MAP4K5: variants seen among roughly 807,000 people sequenced by gnomAD.
The protein encoded by MAP4K5 is mitogen-activated protein kinase kinase kinase kinase 5, also known as MAPK/ERK kinase kinase kinase 5.
MAP4K5 carries 82 observed loss-of-function variants against 135.6 expected under a neutral mutation model. The observed-to-expected ratio is 0.60, with a 90% confidence interval of 0.51 to 0.73. The LOEUF is 0.73. Ranked by LOEUF, MAP4K5 falls within the 30% of genes least tolerant of loss-of-function variation. The pLI is 0.00. For synonymous variants in MAP4K5, 347 were observed against 335.0 expected (o/e 1.04, Z -0.39); for missense variants, 907 against 1,010.9 (o/e 0.90, Z 1.39).
intron 20 of MAP4K5, 22 bp from the exon 21 acceptor site, chr14:50,442,838 G>C: frequency 7.1e-7 from 1 of 1,400,582 alleles, no homozygotes; most frequent in South Asian, 1.3e-5. Flanking sequence ...AGAAAGAAAT[G>C]TTAACTTATT....
intron 12 of MAP4K5, 114 bp downstream of exon 12, chr14:50,463,938 C>A (rs1258058114): frequency 1.6e-5 from 6 of 382,944 alleles, no homozygotes; most frequent in South Asian, 6.4e-5. Flanking sequence ...AGTTTGCTGA[C>A]CCCTGCTGTA....
intron 2 of MAP4K5, among the ~76,000 whole-genome samples, chr14:50,519,076 T>C (rs539631572): frequency 1.3e-5 from 2 of 152,286 alleles, no homozygotes; most frequent in South Asian, 4.1e-4. Flanking sequence ...TTGGAGACAA[T>C]TGCTTGTATG....
intron 6 of MAP4K5, among the ~76,000 whole-genome samples, chr14:50,480,159 T>G (rs79400138): frequency 6.9e-6 from 1 of 145,018 alleles, no homozygotes; most frequent in African/African-American, 2.5e-5. Context: ...TTCATATTGG[T>G]TTTTTTTTTA....
chr14:50,485,148 C>T (rs2139926805), intron 5 of MAP4K5, among the ~76,000 whole-genome samples: 1 of 152,198 alleles, frequency 6.6e-6, no homozygotes, highest in South Asian at 2.1e-4. Flanking sequence ...AAATAAAATA[C>T]TCGAAACTTT....
chr14:50,479,559 T>C (rs2037190888), intron 6 of MAP4K5, among the ~76,000 whole-genome samples: 1 of 152,320 alleles, frequency 6.6e-6, no homozygotes, highest in African/African-American at 2.4e-5. Context: ...CTCTAGAAGT[T>C]TGACTTGGGC....
intron 9 of MAP4K5, among the ~76,000 whole-genome samples, chr14:50,471,199 A>G (rs538595546): frequency 1.3e-5 from 2 of 151,842 alleles, no homozygotes; most frequent in Non-Finnish European, 2.9e-5. Flanking sequence ...ACCAATTTCT[A>G]CTCTCACTGC....
At chr14:50,532,825 G>C (rs1385701718), upstream of MAP4K5, 1 of 152,422 alleles carries the variant, frequency 6.6e-6, no homozygotes, top group Non-Finnish European at 1.5e-5. Context: ...ACACGCCTGG[G>C]CATTCGTGGG....
chr14:50,477,932 T>C (rs533858656), intron 6 of MAP4K5, among the ~76,000 whole-genome samples: 57 of 152,276 alleles, frequency 3.7e-4, no homozygotes, highest in African/African-American at 1.0e-3. Flanking sequence ...TCTTGTAAGA[T>C]TGTTGTCTAA....
At chr14:50,519,859 G>T (rs1001509518) in intron 2 of MAP4K5, among the ~76,000 whole-genome samples, 4 of 151,944 alleles carry the variant, frequency 2.6e-5, no homozygotes, top group African/African-American at 9.7e-5. Flanking sequence ...GAAAAAACTG[G>T]TAAAGGACCC....
chr14:50,447,958 T>C (rs774425000), intron 15 of MAP4K5, among the ~76,000 whole-genome samples: 3 of 152,192 alleles, frequency 2.0e-5, no homozygotes, highest in Non-Finnish European at 4.4e-5. Flanking sequence ...CTCAATAGGC[T>C]AGGTTAGGCT....
intron 1 of MAP4K5, among the ~76,000 whole-genome samples, chr14:50,555,215 C>T (rs1204416205): frequency 6.6e-6 from 1 of 152,190 alleles, no homozygotes; most frequent in Non-Finnish European, 1.5e-5. Context: ...ATGATAGAAG[C>T]CCCAAGTGAA....
At chr14:50,513,442 T>G (rs2037970402) in intron 2 of MAP4K5, among the ~76,000 whole-genome samples, 1 of 152,200 alleles carries the variant, frequency 6.6e-6, no homozygotes, top group Non-Finnish European at 1.5e-5. Flanking sequence ...CTGTAAAATT[T>G]TTAATGAAAA....
intron 1 of MAP4K5, chr14:50,560,630 C>G: frequency 2.6e-6 from 1 of 380,898 alleles, no homozygotes; most frequent in South Asian, 2.5e-5. Flanking sequence ...CCTTAGCGAT[C>G]GGTTGGGAGG....
At chr14:50,560,788 G>C (rs544272911) in intron 1 of MAP4K5, among the ~76,000 whole-genome samples, 68 of 152,298 alleles carry the variant, frequency 4.5e-4, no homozygotes, top group Admixed American at 7.2e-4. Flanking sequence ...GGCGGCGGGC[G>C]GCGGGCGGCG....
In MAP4K5 at chr14:50,512,405, A is replaced by G. The variant is rs373186823; in HGVS notation, c.109-7548T>C. On this transcript the variant is annotated intron_variant, in intron 2 of 32. Transcript: ENST00000682126. ...AGAAACAGATCATTGGAGGATTTGAACAACAATCACAAAATGACATAAAAT... is the reference window on the plus strand; with the variant it reads ...AGAAACAGATCATTGGAGGATTTGAGCAACAATCACAAAATGACATAAAAT... Among the ~76,000 whole-genome samples, 8 of 152,282 alleles carry G rather than the reference A, an allele frequency of 5.3e-5. No homozygotes were observed. The East Asian group carries it at 1.5e-3, about 29-fold the overall frequency.
At chr14:50,467,178 G>A (rs1355304079) in intron 10 of MAP4K5, among the ~76,000 whole-genome samples, 2 of 151,926 alleles carry the variant, frequency 1.3e-5, no homozygotes, top group Non-Finnish European at 2.9e-5. Flanking sequence ...ATAAACTCAC[G>A]TGTGACCCAT....
intron 6 of MAP4K5, among the ~76,000 whole-genome samples, chr14:50,481,962 G>A (rs1034040274): frequency 6.6e-6 from 1 of 152,160 alleles, no homozygotes; most frequent in Non-Finnish European, 1.5e-5. Flanking sequence ...TCCTTTTACT[G>A]CCATAAACTT....
At chr14:50,515,334 A>T (rs2038014233) in intron 2 of MAP4K5, among the ~76,000 whole-genome samples, 1 of 152,146 alleles carries the variant, frequency 6.6e-6, no homozygotes, top group Admixed American at 6.6e-5. Flanking sequence ...TGACCTAATT[A>T]ACATTATACT....
At position 50,476,423 on chromosome 14, in the gene MAP4K5, A is replaced by G. The variant is rs200562282; in HGVS notation, c.379-117T>C. The stretch of plus-strand genomic sequence containing the variant: ...AAACTAGAATGTCTTTTTTGGGGAG[A>G]AAAAAACCTAGATAAGTAAATCAAT... On this transcript the variant is annotated intron_variant, in intron 6 of 32. Coordinates refer to ENST00000682126, the MANE Select transcript of MAP4K5 (RefSeq NM_006575.6). 2.8e-4 allele frequency: 143 copies of G among 505,770 alleles called. 1 individual carries two copies. The East Asian group carries it at 4.6e-3, about 16-fold the overall frequency. 31.3% of individuals were successfully genotyped at this position (505,770 alleles called of 1,614,324 possible). A position where few individuals can be genotyped will look rare whatever the true frequency, so the allele number is the denominator to read the frequency against.
Sources: gnomAD v4.1 joint callset for allele counts (sites outside exome capture counted in the v4.1 genomes callset) on GRCh38, gnomAD v4.1.1 for gene constraint, MANE v1.5 for transcripts, NCBI Gene and HGNC (gene_info 2026-07-23, HGNC 2026-07-21) for gene names.